Variants in KLHL35 observed in about 807,000 individuals in gnomAD.
KLHL35 encodes kelch like family member 35, also known as kelch-like protein 35.
A neutral mutation model predicts 44.0 loss-of-function variants in KLHL35; 50 were observed. The observed-to-expected ratio is 1.14, with a 90% CI of 0.91 to 1.44. KLHL35 has a LOEUF of 1.44. KLHL35 is among the 40% of genes most tolerant of loss of function. The pLI, the probability that KLHL35 is intolerant of heterozygous loss-of-function variation, is 0.00. For missense variants in KLHL35, 1,049 were observed against 887.8 expected, an observed-to-expected ratio of 1.18 and a Z score of -2.31; for synonymous variants, 470 against 410.4, an observed-to-expected ratio of 1.15 and a Z score of -1.76.
chr11:75,428,331 A>T, intron 3 of KLHL35, 111 bp downstream of exon 3: 1 of 1,259,458 alleles, frequency 7.9e-7, no homozygotes, highest in Middle Eastern at 2.7e-4. Flanking sequence ...ACTGTAGGTT[A>T]TCAGAAAACA....
At chr11:75,425,027 C>T (rs984627886) in intron 5 of KLHL35, 1 of 201,382 alleles carries the variant, frequency 5.0e-6, no homozygotes, top group Admixed American at 6.0e-5. Flanking sequence ...TCTGCCTAGA[C>T]GGTGGGATTA....
At position 75,430,384 on chromosome 11, in the gene KLHL35, CACCACGGCCGG is replaced by C; in HGVS notation, c.235_245del (p.Pro79AlafsTer115). The C allele has an allele frequency of 7.3e-7, 1 of 1,365,510 alleles. No individual in the cohort carries two copies. The highest frequency in any genetic ancestry group is 9.5e-7 in the Non-Finnish European group (1 of 1,056,482). The allele number at this position is 1,365,510 out of a possible 1,614,324, so 84.6% of individuals were successfully genotyped here. ...CCTCGGGAGCTACTGGCACCACTGGCACCACGGCCGGGCCGCGCTCGGGCCGCCCGGCCGCG... is the reference window on the plus strand; with the variant it reads ...CCTCGGGAGCTACTGGCACCACTGGCGCCGCGCTCGGGCCGCCCGGCCGCG... On this transcript the variant is annotated frameshift_variant, in exon 2 of 7. Transcript: ENST00000539798. LOFTEE classifies it high-confidence loss of function.
In KLHL35 at chr11:75,430,091, T is replaced by C; in HGVS notation, c.539A>G (p.Gln180Arg). Residue 180 changes from glutamine (Q) to arginine (R), a missense_variant, in exon 2 of 7, where the codon CAG becomes CGG. By Grantham distance (43) the Gln-to-Arg change is conservative (BLOSUM62 1). Coordinates refer to ENST00000539798, the MANE Select transcript of KLHL35 (RefSeq NM_001039548.3). ...LAERCGRVLR[Q>R]AFAEVARHAD... ...GTGGCGCGCCACCTCGGCGAAGGCC[T>C]GACGCAGGACGCGGCCGCAGCGCTC... is the stretch of plus-strand genomic sequence containing the variant. 7.4e-7 allele frequency: 1 copy of C among 1,354,920 alleles called. No homozygotes were observed. Among genetic ancestry groups the C allele is most frequent in the Admixed American group, 3.6e-5 (1 of 28,118 alleles). 83.9% of individuals were successfully genotyped at this position (1,354,920 alleles called of 1,614,324 possible). A position where few individuals can be genotyped will look rare whatever the true frequency, so the allele number is the denominator to read the frequency against.
chr11:75,423,936 C>T, intron 5 of KLHL35, 56 bp from the exon 6 acceptor site: 3 of 1,355,396 alleles, frequency 2.2e-6, no homozygotes, highest in Non-Finnish European at 3.0e-6. Flanking sequence ...ACAAATGCCC[C>T]ACCGCCCACA....
chr11:75,430,014 G>T lies in KLHL35; in HGVS notation c.616C>A (p.Pro206Thr). ...TCCTCGCGCGCCACGCCCAGCGCGG[G>T]GTCCGCCAGCAGCGCCACCACCTCG... is the stretch of plus-strand genomic sequence containing the variant. ...PDEVVALLAD[P>T]ALGVAREEAV... The change falls in exon 2 of 7, where the codon CCC becomes ACC. Residue 206 changes from proline to threonine, a missense_variant. Pro to Thr is a conservative substitution (Grantham distance 38). Transcript: ENST00000539798. 7.1e-7 allele frequency: 1 copy of T among 1,417,806 alleles called. No individual in the cohort carries two copies. Among genetic ancestry groups the T allele is most frequent in the Non-Finnish European group, 9.2e-7 (1 of 1,088,972 alleles). 87.8% of individuals were successfully genotyped at this position (1,417,806 alleles called of 1,614,324 possible). A position where few individuals can be genotyped will look rare whatever the true frequency, so the allele number is the denominator to read the frequency against.
intron 2 of KLHL35, 107 bp downstream of exon 2, chr11:75,429,622 TCTAAAATGTTGAACGAATGA>T (rs1219079225): frequency 1.4e-5 from 17 of 1,218,818 alleles, no homozygotes; most frequent in Non-Finnish European, 1.7e-5. Flanking sequence ...GCACCGAGCC[TCTAAAATGTTGAACGAATGA>T]CTGAATATCA....
At position 75,429,907 on chromosome 11, in the gene KLHL35, G is replaced by A. The variant is rs778877895; in HGVS notation, c.723C>T (p.His241=). ...CGGGCGCCAGTAGCGGCAGGCGCAC[G>A]TGCTCCAGCAGGCGTCGCAGCTGGC... ...RRGQLRRLLE[H]VRLPLLAPAY... is the part of the protein sequence containing the mutation. Residue 241 remains histidine (H), a synonymous_variant, in exon 2 of 7, where the codon CAC becomes CAT. Coordinates refer to ENST00000539798, the MANE Select transcript of KLHL35 (RefSeq NM_001039548.3). 2.7e-6 allele frequency: 4 copies of A among 1,502,030 alleles called. No homozygotes were observed. Among genetic ancestry groups the A allele is most frequent in the Middle Eastern group, 2.1e-4 (1 of 4,820 alleles). The allele number at this position is 1,502,030 out of a possible 1,614,324, so 93.0% of individuals were successfully genotyped here.
chr11:75,430,447 C>T lies in KLHL35; in HGVS notation c.183G>A (p.Ala61=), dbSNP rs1476972244. The change falls in exon 2 of 7, where the codon GCG becomes GCA. Residue 61 remains alanine, a synonymous_variant. Coordinates refer to ENST00000539798, the MANE Select transcript of KLHL35 (RefSeq NM_001039548.3). The part of the protein sequence containing the change: ...DFPCHRAALS[A]GSAYFRSLFA... ...ACAAGCTGCGGAAGTAGGCGCTGCC[C>T]GCGCTGAGCGCCGCGCGGTGGCACG... The T allele has an allele frequency of 1.4e-6, 2 of 1,389,930 alleles. No individual in the cohort carries two copies. Among genetic ancestry groups the T allele is most frequent in the South Asian group, 1.5e-5 (1 of 65,574 alleles). 86.1% of individuals were successfully genotyped at this position (1,389,930 alleles called of 1,614,324 possible).
intron 1 of KLHL35, among the ~76,000 whole-genome samples, chr11:75,431,199 G>A (rs894204877): frequency 1.3e-5 from 2 of 152,142 alleles, no homozygotes; most frequent in East Asian, 3.8e-4. Flanking sequence ...TAACTCCACC[G>A]CCCTCTGCTC....
rs1293851590 is a variant in KLHL35, at chr11:75,430,253, A to G, written c.377T>C (p.Val126Ala). ...RLRAEDEAAA[V>A]LALAERLGVA... Reference sequence around the variant, plus strand: ...GCCCAGCCGCTCCGCCAGCGCCAGCACGGCCGCCGCCTCGTCCTCCGCGCG... The same window carrying G: ...GCCCAGCCGCTCCGCCAGCGCCAGCGCGGCCGCCGCCTCGTCCTCCGCGCG... The change falls in exon 2 of 7, where the codon GTG becomes GCG. Residue 126 changes from valine to alanine, a missense_variant. By Grantham distance (64) the Val-to-Ala change is moderately conservative (BLOSUM62 0). Coordinates refer to ENST00000539798, the MANE Select transcript of KLHL35 (RefSeq NM_001039548.3). 4.1e-6 allele frequency: 5 copies of G among 1,211,448 alleles called. No homozygotes were observed. Among genetic ancestry groups the G allele is most frequent in the South Asian group, 2.7e-5 (1 of 37,248 alleles). 75.0% of individuals were successfully genotyped at this position (1,211,448 alleles called of 1,614,324 possible).
intron 5 of KLHL35, among the ~76,000 whole-genome samples, chr11:75,425,093 A>G (rs1948478496): frequency 6.6e-6 from 1 of 151,504 alleles, no homozygotes; most frequent in Non-Finnish European, 1.5e-5. Flanking sequence ...TAGTAAGTGT[A>G]TTGTTTTTGG....
In KLHL35 at chr11:75,429,868, C is replaced by T; in HGVS notation, c.762G>A (p.Glu254=). 1.3e-6 allele frequency: 2 copies of T among 1,521,004 alleles called. No homozygotes were observed. The highest frequency in any genetic ancestry group is 2.7e-5 in the East Asian group (1 of 36,690). The allele number at this position is 1,521,004 out of a possible 1,614,324, so 94.2% of individuals were successfully genotyped here. Residue 254 remains glutamate (E), a synonymous_variant, in exon 2 of 7, where the codon GAG becomes GAA. Transcript: ENST00000539798. ...LPLLAPAYFL[E]KVEADELLQA... ...GCAGCAGCTCGTCCGCCTCCACCTT[C>T]TCCAGGAAGTAAGCGGGCGCCAGTA...
At position 75,426,610 on chromosome 11, in the gene KLHL35, C is replaced by T. The variant is rs1438347366; in HGVS notation, c.1095G>A (p.Trp365Ter). ...AGGTGTGCAGATGGGAGCTAAACAT[C>T]CACACATCATGACTGTTGATGTGGC... is the stretch of plus-strand genomic sequence containing the variant. ...SGGHINSHDV[W>*]MFSSHLHTWI... The change falls in exon 4 of 7, where the codon TGG becomes TGA. Residue 365 changes from tryptophan (W) to a stop codon, truncating the protein, a stop_gained. Transcript: ENST00000539798. LOFTEE classifies it high-confidence loss of function. 3.1e-6 allele frequency: 5 copies of T among 1,604,438 alleles called. No homozygotes were observed. Among genetic ancestry groups the T allele is most frequent in the Non-Finnish European group, 4.2e-6 (5 of 1,176,616 alleles).
At position 75,430,071 on chromosome 11, in the gene KLHL35, G is replaced by C; in HGVS notation, c.559C>G (p.Arg187Gly). The part of the protein sequence containing the change: ...VLRQAFAEVA[R>G]HADFLELAPD... ...GCCAGCTCCAGGAAGTCGGCGTGGC[G>C]CGCCACCTCGGCGAAGGCCTGACGC... Residue 187 changes from arginine (R) to glycine (G), a missense_variant, in exon 2 of 7, where the codon CGC becomes GGC. Coordinates refer to ENST00000539798, the MANE Select transcript of KLHL35 (RefSeq NM_001039548.3). The C allele has an allele frequency of 2.2e-6, 3 of 1,391,096 alleles. No individual in the cohort carries two copies. The highest frequency in any genetic ancestry group is 2.8e-6 in the Non-Finnish European group (3 of 1,073,858). The allele number at this position is 1,391,096 out of a possible 1,614,324, so 86.2% of individuals were successfully genotyped here. A position where few individuals can be genotyped will look rare whatever the true frequency, so the allele number is the denominator to read the frequency against.
chr11:75,431,781 T>G (rs1005482787), intron 1 of KLHL35, among the ~76,000 whole-genome samples: 1 of 152,182 alleles, frequency 6.6e-6, no homozygotes, highest in Non-Finnish European at 1.5e-5. Context: ...TTCATGACTA[T>G]TACATGGGCT....
intron 3 of KLHL35, chr11:75,426,961 AG>A (rs1411703864): frequency 4.3e-6 from 1 of 231,696 alleles, no homozygotes; most frequent in Non-Finnish European, 8.7e-6. Flanking sequence ...GCTGTACTAA[AG>A]GTAAGAGTAC....
chr11:75,429,092 G>A (rs1948513519), intron 2 of KLHL35, among the ~76,000 whole-genome samples: 1 of 152,094 alleles, frequency 6.6e-6, no homozygotes, highest in South Asian at 2.1e-4. Flanking sequence ...CGCTGATTCT[G>A]CTGCCTCCCT....
chr11:75,427,422 GC>G (rs1198785491), intron 3 of KLHL35, among the ~76,000 whole-genome samples: 1 of 152,158 alleles, frequency 6.6e-6, no homozygotes, highest in Non-Finnish European at 1.5e-5. Flanking sequence ...GCACCCTTCA[GC>G]CTGAGCCTGT....
chr11:75,422,596 T>G lies in KLHL35; in HGVS notation c.1736A>C (p.Gln579Pro). 1 of 1,613,202 alleles carries G rather than the reference T, an allele frequency of 6.2e-7. No individual in the cohort carries two copies. The highest frequency in any genetic ancestry group is 1.1e-5 in the South Asian group (1 of 91,072). ...TSSHGCVTII[Q>P]SLGR ...AAATCTGAATCACCTGCCCAAGCTC[T>G]GGATGATGGTGACACAGCCGTGGGA... The change falls in exon 7 of 7, where the codon CAG (glutamine) becomes CCG (proline). Residue 579 changes from glutamine (Q) to proline (P), a missense_variant. Gln to Pro is a moderately conservative substitution (Grantham distance 76). Transcript: ENST00000539798.
Sources: gnomAD v4.1 joint callset for allele counts (sites outside exome capture counted in the v4.1 genomes callset) on GRCh38, gnomAD v4.1.1 for gene constraint, MANE v1.5 for transcripts, NCBI Gene and HGNC (gene_info 2026-07-23, HGNC 2026-07-21) for gene names.